The following KANK1 variants were observed in gnomAD, a reference collection of about 807,000 sequenced individuals.
KANK1 encodes KN motif and ankyrin repeat domain-containing protein 1.
Under a neutral mutation model 106.2 loss-of-function variants are expected in KANK1, and 109 were observed. That is an observed-to-expected ratio of 1.03 (90% CI 0.88 to 1.20). The LOEUF (loss-of-function observed/expected upper bound fraction) is 1.20, where lower values mean the gene tolerates loss of function less well. Ranked by LOEUF, KANK1 falls within the 50% of genes most tolerant of loss-of-function variation. KANK1 has a pLI of 0.00. For missense variants in KANK1, 2,399 were observed against 1,710.7 expected (o/e 1.40, Z -7.10); for synonymous variants, 873 against 652.2 (o/e 1.34, Z -5.16).
At chr9:614,717 G>T (rs1234443279) in intron 1 of KANK1, among the ~76,000 whole-genome samples, 4 of 152,130 alleles carry the variant, frequency 2.6e-5, no homozygotes, top group African/African-American at 9.7e-5. Context: ...CTCTAGTGTT[G>T]AAAACTGCTG....
At chr9:577,166 G>T (rs1820785378) in intron 1 of KANK1, among the ~76,000 whole-genome samples, 1 of 152,206 alleles carries the variant, frequency 6.6e-6, no homozygotes, top group African/African-American at 2.4e-5. Flanking sequence ...CAGCATGGAA[G>T]GGAACCCAAG....
intron 1 of KANK1, among the ~76,000 whole-genome samples, chr9:524,491 A>C (rs2059693118): frequency 6.6e-6 from 1 of 151,676 alleles, no homozygotes. Flanking sequence ...CCATTGTTTC[A>C]AGTAGTATGT....
intron 1 of KANK1, chr9:539,496 C>G (rs1167588105): frequency 6.6e-6 from 1 of 151,954 alleles, no homozygotes; most frequent in East Asian, 1.9e-4. Context: ...GTATTTCATT[C>G]TTTCTTTTTT....
At chr9:490,253 G>A (rs2058355694) in intron 3 of KANK1, among the ~76,000 whole-genome samples, 1 of 152,168 alleles carries the variant, frequency 6.6e-6, no homozygotes, top group Non-Finnish European at 1.5e-5. Flanking sequence ...TATAATCCCA[G>A]TACTTTGGGA....
intron 1 of KANK1, among the ~76,000 whole-genome samples, chr9:619,372 G>C (rs182729247): frequency 6.4e-4 from 97 of 152,312 alleles, no homozygotes; most frequent in African/African-American, 2.2e-3. Context: ...GCAGCATCAG[G>C]GACAGGCTGA....
intron 1 of KANK1, among the ~76,000 whole-genome samples, chr9:584,356 C>T (rs905232597): frequency 3.3e-5 from 5 of 152,290 alleles, no homozygotes; most frequent in Admixed American, 6.5e-5. Flanking sequence ...GGCGGTTCAA[C>T]AAAGTGCTAA....
intron 1 of KANK1, among the ~76,000 whole-genome samples, chr9:650,674 G>C (rs1020227478): frequency 8.5e-5 from 13 of 152,150 alleles, no homozygotes; most frequent in African/African-American, 2.9e-4. Flanking sequence ...CTGTGTTTTA[G>C]CTAGAGGTTA....
intron 4 of KANK1, 79 bp from the exon 5 acceptor site, chr9:731,079 A>C (rs113616660): frequency 4.4e-5 from 31 of 698,964 alleles, no homozygotes; most frequent in African/African-American, 3.5e-4. Context: ...ATGCATGAGA[A>C]AAGAACTGTA....
At chr9:501,355 T>C (rs1367593182), upstream of KANK1, among the ~76,000 whole-genome samples, 2 of 152,130 alleles carry the variant, frequency 1.3e-5, no homozygotes, top group African/African-American at 4.8e-5. Context: ...CCAGTCTCCA[T>C]CTTTTCTTGA....
chr9:536,055 G>A (rs1200616010), intron 1 of KANK1, among the ~76,000 whole-genome samples: 2 of 152,056 alleles, frequency 1.3e-5, no homozygotes, highest in East Asian at 1.9e-4. Flanking sequence ...AAAACAGCAC[G>A]TGTGGGGCGC....
At chr9:722,325 CTCTCTG>C (rs1426711627) in intron 3 of KANK1, among the ~76,000 whole-genome samples, 5 of 151,780 alleles carry the variant, frequency 3.3e-5, no homozygotes, top group Non-Finnish European at 7.4e-5. Flanking sequence ...CTCTCTCTCT[CTCTCTG>C]TCTCTCTGTC....
intron 1 of KANK1, among the ~76,000 whole-genome samples, chr9:606,161 A>G (rs950015792): frequency 4.0e-5 from 6 of 150,954 alleles, no homozygotes; most frequent in Admixed American, 3.3e-4. Context: ...ACACACACAC[A>G]CACACACACA....
At chr9:592,322 C>T (rs372559940) in intron 1 of KANK1, among the ~76,000 whole-genome samples, 1 of 151,838 alleles carries the variant, frequency 6.6e-6, no homozygotes, top group African/African-American at 2.4e-5. Context: ...TGCTCTTTCC[C>T]AGGGAGCAGC....
In KANK1 at chr9:531,089, C is replaced by CT. The variant is rs1007475936; in HGVS notation, c.-84+26345dup. On this transcript the variant is annotated intron_variant, in intron 1 of 11. Transcript: ENST00000382297. ...AGTTTTCTAACTCAAGGTTTGCTTC[C>CT]TTTTTTTTTTAAATCCCTCCAATGA... Among the ~76,000 whole-genome samples the CT allele has an allele frequency of 2.5e-4, 37 of 149,262 alleles. No homozygotes were observed. In the South Asian group the frequency reaches 3.8e-3, roughly 15 times the overall value.
intron 1 of KANK1, among the ~76,000 whole-genome samples, chr9:571,020 A>C (rs939625415): frequency 6.6e-6 from 1 of 152,156 alleles, no homozygotes; most frequent in African/African-American, 2.4e-5. Flanking sequence ...TTTTTAAAAA[A>C]CTACTCTAAA....
intron 1 of KANK1, among the ~76,000 whole-genome samples, chr9:649,556 C>A (rs1003303997): frequency 6.6e-6 from 1 of 152,162 alleles, no homozygotes; most frequent in Non-Finnish European, 1.5e-5. Flanking sequence ...CTGATTATAG[C>A]TACACACTAT....
In KANK1 at chr9:561,405, C is replaced by T. The variant is rs548884043; in HGVS notation, c.-84+56651C>T. Among the ~76,000 whole-genome samples, 7 of 152,260 alleles carry T rather than the reference C, an allele frequency of 4.6e-5. No individual in the cohort carries two copies. The South Asian group carries it at 1.5e-3, about 32-fold the overall frequency. Reference sequence around the variant, plus strand: ...TAGCATCTCTCTGTATGAGTGCACTCTTATTTATTAAAACCATCCCTGACA... The same window carrying T: ...TAGCATCTCTCTGTATGAGTGCACTTTTATTTATTAAAACCATCCCTGACA... On this transcript the variant is annotated intron_variant, in intron 1 of 11. Transcript: ENST00000382297.
chr9:547,737 T>G lies in KANK1; in HGVS notation c.-84+42983T>G, dbSNP rs1327350537. ...TATATAAACGGTATGAGCATGCTTTTCTTGTGTCTCTGTATAACTGCTTGG... is the reference window on the plus strand; with the variant it reads ...TATATAAACGGTATGAGCATGCTTTGCTTGTGTCTCTGTATAACTGCTTGG... On this transcript the variant is annotated intron_variant, in intron 1 of 11. Transcript: ENST00000382297. Among the ~76,000 whole-genome samples the G allele has an allele frequency of 2.1e-5, 3 of 143,022 alleles. 1 individual carries two copies. The highest frequency in any genetic ancestry group is 7.3e-5 in the African/African-American group (3 of 40,998). 93.8% of individuals were successfully genotyped at this position (143,022 alleles called of 152,430 possible). A position where few individuals can be genotyped will look rare whatever the true frequency, so the allele number is the denominator to read the frequency against.
At chr9:718,702 C>CAGA (rs1169477020) in intron 3 of KANK1, among the ~76,000 whole-genome samples, 1 of 152,134 alleles carries the variant, frequency 6.6e-6, no homozygotes, top group Non-Finnish European at 1.5e-5. Flanking sequence ...ACAGTCCCTT[C>CAGA]AGCAGGATTA....
Sources: allele counts gnomAD v4.1 joint callset (sites outside exome capture counted in the v4.1 genomes callset), GRCh38; gene constraint gnomAD v4.1.1; transcripts MANE v1.5; gene names NCBI Gene and HGNC (gene_info 2026-07-23, HGNC 2026-07-21).